GATAD2A: variants seen among roughly 807,000 people sequenced by gnomAD.
GATAD2A encodes transcriptional repressor p66-alpha.
Under a neutral mutation model 68.5 loss-of-function variants are expected in GATAD2A, and 12 were observed. That is an observed-to-expected ratio of 0.18 (90% CI 0.11 to 0.28). The LOEUF is 0.28. Ranked by LOEUF, GATAD2A falls within the 10% of genes least tolerant of loss-of-function variation. The pLI, the probability that GATAD2A is intolerant of heterozygous loss-of-function variation, is 1.00. For missense variants in GATAD2A, 755 were observed against 868.5 expected, an observed-to-expected ratio of 0.87 and a Z score of 1.64; for synonymous variants, 410 against 375.3, an observed-to-expected ratio of 1.09 and a Z score of -1.07.
At chr19:19,412,172 T>C (rs1035609325) in intron 1 of GATAD2A, among the ~76,000 whole-genome samples, 1 of 151,618 alleles carries the variant, frequency 6.6e-6, no homozygotes, top group African/African-American at 2.4e-5. Context: ...AATTTTTTTG[T>C]TGAGACGGAG....
intron 1 of GATAD2A, among the ~76,000 whole-genome samples, chr19:19,389,825 C>T (rs989303889): frequency 6.6e-6 from 1 of 152,216 alleles, no homozygotes; most frequent in East Asian, 1.9e-4. Context: ...TGCAGTGGTG[C>T]GATCTCGGCT....
At chr19:19,454,403 G>A (rs917787428) in intron 1 of GATAD2A, among the ~76,000 whole-genome samples, 1 of 151,678 alleles carries the variant, frequency 6.6e-6, no homozygotes, top group African/African-American at 2.4e-5. Flanking sequence ...TTCGAGACCA[G>A]CCTGGGCAAC....
intron 1 of GATAD2A, among the ~76,000 whole-genome samples, chr19:19,421,814 CT>C (rs1390370086): frequency 3.5e-4 from 52 of 146,580 alleles, no homozygotes; most frequent in Middle Eastern, 3.5e-3. Context: ...CCTTCTCTCT[CT>C]TTTTTTTTTT....
intron 11 of GATAD2A, among the ~76,000 whole-genome samples, chr19:19,504,640 CT>C (rs36052091): frequency 0.075 from 10,325 of 137,036 alleles, 754 homozygotes; most frequent in African/African-American, 0.23. Flanking sequence ...TTTTTTTTTC[CT>C]TTTTTTTTTT....
chr19:19,505,919 G>C lies in GATAD2A; in HGVS notation c.*445G>C, dbSNP rs2060847818. 7.5e-6 allele frequency: 3 copies of C among 399,062 alleles called. No homozygotes were observed. Among genetic ancestry groups the C allele is most frequent in the East Asian group, 7.1e-5 (2 of 28,062 alleles). The allele number at this position is 399,062 out of a possible 1,614,324, so 24.7% of individuals were successfully genotyped here. ...GTGTTTCATTTTTTTGCTTTTCCCTGTCTTAGGCTCCCAGTCTTTGACTGC... is the reference window on the plus strand; with the variant it reads ...GTGTTTCATTTTTTTGCTTTTCCCTCTCTTAGGCTCCCAGTCTTTGACTGC... On this transcript the variant is annotated 3_prime_UTR_variant, in exon 12 of 12. Coordinates refer to ENST00000683918, the MANE Select transcript of GATAD2A (RefSeq NM_001384528.1).
In GATAD2A at chr19:19,435,098, C is replaced by T. The variant is rs749155109; in HGVS notation, c.-7+29079C>T. 4 of 533,584 alleles carry T rather than the reference C, an allele frequency of 7.5e-6. 1 individual carries two copies. Among genetic ancestry groups the T allele is most frequent in the South Asian group, 5.6e-5 (4 of 71,548 alleles). The allele number at this position is 533,584 out of a possible 1,614,324, so 33.1% of individuals were successfully genotyped here. A position where few individuals can be genotyped will look rare whatever the true frequency, so the allele number is the denominator to read the frequency against. On this transcript the variant is annotated intron_variant, in intron 1 of 11. Coordinates refer to ENST00000683918, the MANE Select transcript of GATAD2A (RefSeq NM_001384528.1). ...GCAAGTTCCTGAAGATCAGACACAT[C>T]AGATCCCTTATCTGTAAAATGGGCA...
At chr19:19,444,433 C>T (rs1262819514) in intron 1 of GATAD2A, among the ~76,000 whole-genome samples, 1 of 152,166 alleles carries the variant, frequency 6.6e-6, no homozygotes, top group East Asian at 1.9e-4. Context: ...CCTTGGGGCT[C>T]CTGAGGCAGC....
intron 1 of GATAD2A, among the ~76,000 whole-genome samples, chr19:19,415,744 A>G (rs2051543695): frequency 6.6e-6 from 1 of 151,290 alleles, no homozygotes; most frequent in Admixed American, 6.6e-5. Context: ...CAGCCTCCCA[A>G]GTAGCTGGGA....
At chr19:19,433,671 CTT>C (rs2053995754) in intron 1 of GATAD2A, among the ~76,000 whole-genome samples, 1 of 152,202 alleles carries the variant, frequency 6.6e-6, no homozygotes, top group African/African-American at 2.4e-5. Context: ...TTAGAAACAT[CTT>C]TTAAACATGT....
chr19:19,465,038 C>T, intron 1 of GATAD2A: 2 of 466,596 alleles, frequency 4.3e-6, no homozygotes, highest in Non-Finnish European at 7.8e-6. Flanking sequence ...AAGCAGCCAC[C>T]TTCCACTGCT....
rs1434130922 is a variant in GATAD2A, at chr19:19,492,780, A to T, written c.534+68A>T. 2.5e-5 allele frequency: 38 copies of T among 1,538,750 alleles called. No homozygotes were observed. The East Asian group carries it at 8.6e-4, about 35-fold the overall frequency. ...CTGGCCTTGCCTTGATCCCCTCATC[A>T]ATGTCAGCGGCCAGAAAGGTGAAAG... On this transcript the variant is annotated intron_variant, in intron 4 of 11. Transcript: ENST00000683918.
At chr19:19,478,587 C>A (rs1409992908) in intron 2 of GATAD2A, among the ~76,000 whole-genome samples, 4 of 149,774 alleles carry the variant, frequency 2.7e-5, no homozygotes, top group Non-Finnish European at 4.4e-5. Flanking sequence ...GAGTGAGACT[C>A]TGTCTCAAAA....
chr19:19,485,068 G>T (rs993811142), intron 2 of GATAD2A, among the ~76,000 whole-genome samples: 9 of 152,196 alleles, frequency 5.9e-5, no homozygotes, highest in East Asian at 1.9e-4. Context: ...TCTTGAGTCT[G>T]CACCTGTCTG....
Position 19,508,401 on chromosome 19 carries a change from A to G in GATAD2A, c.*2927A>G, listed in dbSNP as rs1171355728. 1 of 152,238 alleles carries G rather than the reference A, an allele frequency of 6.6e-6. No individual in the cohort carries two copies. The highest frequency in any genetic ancestry group is 1.9e-4 in the East Asian group (1 of 5,196). The allele number at this position is 152,238 out of a possible 1,614,324, so 9.4% of individuals were successfully genotyped here. ...TCAGAGTGGAACAGCCCACAGTGCT[A>G]GTTGTGCCTGGTCTTACCTGTACTC... On this transcript the variant is annotated 3_prime_UTR_variant, in exon 12 of 12. Transcript: ENST00000683918.
chr19:19,501,024 G>A, intron 8 of GATAD2A, 94 bp from the exon 9 acceptor site: 4 of 1,118,662 alleles, frequency 3.6e-6, no homozygotes, highest in Non-Finnish European at 5.2e-6. Context: ...ACAGACTGTG[G>A]CGACTGAGAC....
At chr19:19,495,686 C>G in intron 5 of GATAD2A, 68 bp from the exon 6 acceptor site, 1 of 1,048,108 alleles carries the variant, frequency 9.5e-7, no homozygotes, top group Non-Finnish European at 1.4e-6. Context: ...AGCAGCAAAA[C>G]TGCTTGCTTT....
rs534776232 is a variant in GATAD2A at position 19,506,416 on chromosome 19, CTAT to C, written c.*944_*946del. 1,101 of 334,972 alleles carry C rather than the reference CTAT, an allele frequency of 3.3e-3. 8 individuals are homozygous for C. Among genetic ancestry groups the C allele is most frequent in the African/African-American group, 0.021 (999 of 47,374 alleles). The allele number at this position is 334,972 out of a possible 1,614,324, so 20.7% of individuals were successfully genotyped here. A position where few individuals can be genotyped will look rare whatever the true frequency, so the allele number is the denominator to read the frequency against. The stretch of plus-strand genomic sequence containing the variant: ...ATTTTATTAAATTTTTTCCTTTTTT[CTAT>C]TCATTTCGATGGACGCAATCTTAAG... On this transcript the variant is annotated 3_prime_UTR_variant, in exon 12 of 12. Transcript: ENST00000683918.
At chr19:19,444,938 C>A (rs1268965092) in intron 1 of GATAD2A, among the ~76,000 whole-genome samples, 3 of 151,154 alleles carry the variant, frequency 2.0e-5, no homozygotes, top group Non-Finnish European at 4.4e-5. Flanking sequence ...AGTGTAGGGC[C>A]TGTGATAAGG....
At chr19:19,400,882 T>C (rs902479207), upstream of GATAD2A, among the ~76,000 whole-genome samples, 2 of 152,124 alleles carry the variant, frequency 1.3e-5, no homozygotes, top group African/African-American at 4.8e-5. Flanking sequence ...ATGTGGTGGC[T>C]CCTGCCTGTA....
Sources: gnomAD v4.1 joint callset for allele counts (sites outside exome capture counted in the v4.1 genomes callset) on GRCh38, gnomAD v4.1.1 for gene constraint, MANE v1.5 for transcripts, NCBI Gene and HGNC (gene_info 2026-07-23, HGNC 2026-07-21) for gene names.